Variants in CD6 observed in about 807,000 individuals in gnomAD.
CD6 encodes the protein CD6 molecule, also known as T-cell differentiation antigen CD6.
CD6 carries 53 observed loss-of-function variants against 75.3 expected under a neutral mutation model. That is an observed-to-expected ratio of 0.70 (90% CI 0.56 to 0.88). CD6 has a LOEUF of 0.88. Among genes scored for constraint, CD6 ranks in the 40% least tolerant of loss-of-function variants. The probability of loss-of-function intolerance (pLI) is 0.00; values close to 1 mark genes in which losing one functional copy is unlikely to be tolerated. For missense variants in CD6, 770 were observed against 897.1 expected, an observed-to-expected ratio of 0.86 and a Z score of 1.81; for synonymous variants, 359 against 381.5, an observed-to-expected ratio of 0.94 and a Z score of 0.69.
At chr11:60,998,567 A>G (rs1378979938) in intron 1 of CD6, among the ~76,000 whole-genome samples, 1 of 152,126 alleles carries the variant, frequency 6.6e-6, no homozygotes, top group East Asian at 1.9e-4. Context: ...CAATGCTGAC[A>G]TTGCCGAGAA....
At position 61,013,905 on chromosome 11, in the gene CD6, C is replaced by A; in HGVS notation, c.1292-14C>A. The A allele has an allele frequency of 3.2e-6, 5 of 1,576,552 alleles. No individual in the cohort carries two copies. The highest frequency in any genetic ancestry group is 4.3e-6 in the Non-Finnish European group (5 of 1,158,660). On this transcript the variant is annotated splice_polypyrimidine_tract_variant and intron_variant, in intron 7 of 12. Coordinates refer to ENST00000313421, the MANE Select transcript of CD6 (RefSeq NM_006725.5). The stretch of plus-strand genomic sequence containing the variant: ...AAAAAATGACTTGTAGAATTTCTGC[C>A]TCCCCTCCCTCAGCCCTCCCCGTAA...
rs954113283 is a variant in CD6 at position 61,007,374 on chromosome 11, C to T, written c.119-186C>T. On this transcript the variant is annotated intron_variant, in intron 2 of 12. Coordinates refer to ENST00000313421, the MANE Select transcript of CD6 (RefSeq NM_006725.5). This position sits in a 1 kb window ranked among gnomAD's most constrained non-coding sequence, Gnocchi z 4.2. ...CACCTTCGGCTGACTCTAAGGAGAA[C>T]CACAGGGTCAGGCCTCAAGGTGGGC... Among the ~76,000 whole-genome samples, 18 of 152,208 alleles carry T rather than the reference C, an allele frequency of 1.2e-4. No homozygotes were observed. Among genetic ancestry groups the T allele is most frequent in the African/African-American group, 4.1e-4 (17 of 41,468 alleles).
In CD6 at chr11:61,013,536, A is replaced by T. The variant is rs1859252082; in HGVS notation, c.1264A>T (p.Ile422Phe). The change falls in exon 7 of 13, where the codon ATC becomes TTC. Residue 422 changes from isoleucine to phenylalanine, a missense_variant. Ile to Phe is a conservative substitution (Grantham distance 21). Coordinates refer to ENST00000313421, the MANE Select transcript of CD6 (RefSeq NM_006725.5). ...LLGSLIFIAF[I>F]LLRIKGKYAL... ...TGGCTCCCTCATCTTCATAGCCTTC[A>T]TCCTCTTGAGAATTAAAGGAAAATA... 1.2e-6 allele frequency: 2 copies of T among 1,614,130 alleles called. No homozygotes were observed. The highest frequency in any genetic ancestry group is 2.2e-5 in the South Asian group (2 of 91,084).
intron 1 of CD6, among the ~76,000 whole-genome samples, chr11:60,984,108 A>G (rs545990524): frequency 1.3e-5 from 2 of 152,248 alleles, no homozygotes; most frequent in East Asian, 3.9e-4. Context: ...TCTGCTGTAA[A>G]GATAATTTCC....
chr11:60,996,072 G>A (rs1858282165), intron 1 of CD6, among the ~76,000 whole-genome samples: 1 of 152,208 alleles, frequency 6.6e-6, no homozygotes, highest in South Asian at 2.1e-4. Context: ...GCCTCTGCAA[G>A]CAGACAGCCT....
intron 1 of CD6, among the ~76,000 whole-genome samples, chr11:60,978,331 C>G (rs1857440926): frequency 6.6e-6 from 1 of 152,158 alleles, no homozygotes; most frequent in African/African-American, 2.4e-5. Context: ...CCCCAGTACC[C>G]TGAGAAGTCC....
chr11:60,990,538 T>G (rs1858018383), intron 1 of CD6, among the ~76,000 whole-genome samples: 1 of 152,142 alleles, frequency 6.6e-6, no homozygotes, highest in Admixed American at 6.6e-5. Flanking sequence ...AATGTTTTAA[T>G]GAACCCAATG....
intron 1 of CD6, among the ~76,000 whole-genome samples, chr11:60,972,332 A>T (rs970738084): frequency 1.3e-5 from 2 of 152,242 alleles, no homozygotes; most frequent in Non-Finnish European, 2.9e-5. Flanking sequence ...GGGGTCCAGC[A>T]GGCGTAGGCC....
chr11:61,018,491 G>GGAGAAAGGAAGGGGAAAAA, intron 12 of CD6, 98 bp downstream of exon 12: 1 of 946,380 alleles, frequency 1.1e-6, no homozygotes, highest in Non-Finnish European at 1.6e-6. Context: ...AAGGGGAAAA[G>GGAGAAAGGAAGGGGAAAAA]GAGAAAGGAA....
chr11:60,971,862 A>T lies in CD6; in HGVS notation c.-4A>T. The T allele has an allele frequency of 1.2e-6, 2 of 1,613,788 alleles. No homozygotes were observed. The highest frequency in any genetic ancestry group is 8.5e-7 in the Non-Finnish European group (1 of 1,179,902). Reference sequence around the variant, plus strand: ...ACGCGTAGCAGCCAGAGACAGCTCCAGACATGTGGCTCTTCTTCGGGATCA... The same window carrying T: ...ACGCGTAGCAGCCAGAGACAGCTCCTGACATGTGGCTCTTCTTCGGGATCA... On this transcript the variant is annotated 5_prime_UTR_variant, in exon 1 of 13. An upstream open reading frame in the 5' UTR gains an earlier in-frame stop. Coordinates refer to ENST00000313421, the MANE Select transcript of CD6 (RefSeq NM_006725.5).
chr11:61,017,696 T>A (rs1477499636), intron 10 of CD6, 63 bp from the exon 11 acceptor site: 5 of 1,606,476 alleles, frequency 3.1e-6, no homozygotes, highest in Non-Finnish European at 4.3e-6. Context: ...CTTTCTGAAG[T>A]CTGACTTAAA....
At chr11:61,014,650 G>A (rs1227343676) in intron 8 of CD6, among the ~76,000 whole-genome samples, 2 of 151,536 alleles carry the variant, frequency 1.3e-5, no homozygotes, top group Non-Finnish European at 2.9e-5. Context: ...CAGGAGAATC[G>A]CTTGAACCTG....
intron 9 of CD6, 85 bp downstream of exon 9, chr11:61,015,920 C>T (rs1859383268): frequency 3.4e-6 from 5 of 1,482,684 alleles, no homozygotes; most frequent in Non-Finnish European, 1.8e-6. Context: ...AGTAGTCCCA[C>T]CTAGTAACCC....
At chr11:61,010,163 A>G (rs1040427422) in intron 5 of CD6, among the ~76,000 whole-genome samples, 3 of 152,250 alleles carry the variant, frequency 2.0e-5, no homozygotes, top group African/African-American at 7.2e-5. Flanking sequence ...CCAATTTGCC[A>G]TCCCAGGCCT....
intron 1 of CD6, chr11:60,982,774 C>T (rs1473961110): frequency 4.4e-6 from 2 of 455,654 alleles, no homozygotes; most frequent in Non-Finnish European, 8.8e-6. Flanking sequence ...AAGCGAGGTG[C>T]GAAGTGGGGA....
At chr11:60,982,076 G>A (rs1565142634) in intron 1 of CD6, among the ~76,000 whole-genome samples, 2 of 146,294 alleles carry the variant, frequency 1.4e-5, no homozygotes, top group Admixed American at 6.8e-5. Context: ...GGCGGGGGGG[G>A]GGGTTCTGTG....
chr11:61,016,855 T>C (rs1358190592), intron 9 of CD6: 1 of 152,564 alleles, frequency 6.6e-6, no homozygotes, highest in African/African-American at 2.4e-5. Context: ...CCACTTCTTC[T>C]GGCCTGTGGA....
Position 60,995,116 on chromosome 11 carries a change from C to A in CD6, c.50-11458C>A, listed in dbSNP as rs533648544. 4.6e-5 allele frequency among the ~76,000 whole-genome samples: 7 copies of A among 150,972 alleles called. No individual in the cohort carries two copies. In the East Asian group the frequency reaches 1.4e-3, roughly 29 times the overall value. On this transcript the variant is annotated intron_variant, in intron 1 of 12. Coordinates refer to ENST00000313421, the MANE Select transcript of CD6 (RefSeq NM_006725.5). ...GAATTATATTACTTGTATGAGCCAGCGCATGCGTCTTTTTTTTTTTCTTTT... is the reference window on the plus strand; with the variant it reads ...GAATTATATTACTTGTATGAGCCAGAGCATGCGTCTTTTTTTTTTTCTTTT...
At chr11:61,011,282 G>A (rs570515725) in intron 6 of CD6, 147 bp downstream of exon 6, 77 of 665,642 alleles carry the variant, frequency 1.2e-4, no homozygotes, top group Middle Eastern at 1.0e-3. Context: ...TTGCCTCCCC[G>A]GGGCTCTCTG....
Sources: allele counts gnomAD v4.1 joint callset (sites outside exome capture counted in the v4.1 genomes callset), GRCh38; gene constraint gnomAD v4.1.1; non-coding constraint Gnocchi (gnomAD v3.1); transcripts MANE v1.5; gene names NCBI Gene and HGNC (gene_info 2026-07-23, HGNC 2026-07-21).